The following ADARB1 variants were observed in gnomAD, a reference collection of about 807,000 sequenced individuals.
The protein encoded by ADARB1 is double-stranded RNA-specific editase 1.
In ADARB1, 10 loss-of-function variants were observed where a neutral mutation model predicts 52.4. The observed-to-expected ratio is 0.19, with a 90% CI of 0.12 to 0.32. The LOEUF (loss-of-function observed/expected upper bound fraction) is 0.32, where lower values mean the gene tolerates loss of function less well. Among genes scored for constraint, ADARB1 ranks in the 10% least tolerant of loss-of-function variants. The probability of loss-of-function intolerance (pLI) is 1.00; values close to 1 mark genes in which losing one functional copy is unlikely to be tolerated. For missense variants in ADARB1, 643 were observed against 922.3 expected (o/e 0.70, Z 3.92); for synonymous variants, 349 against 371.1 (o/e 0.94, Z 0.68).
intron 9 of ADARB1, among the ~76,000 whole-genome samples, chr21:45,211,845 C>T (rs2092774678): frequency 6.6e-6 from 1 of 152,170 alleles, no homozygotes. Flanking sequence ...AAGCATCTCA[C>T]TCACGTCAGC....
chr21:45,213,061 A>C (rs1013899744), intron 9 of ADARB1, among the ~76,000 whole-genome samples: 14 of 152,170 alleles, frequency 9.2e-5, no homozygotes, highest in African/African-American at 2.4e-4. Context: ...TGATGAGGGC[A>C]GGGGGATGGT....
chr21:45,171,390 T>G (rs1215323100), intron 2 of ADARB1, among the ~76,000 whole-genome samples: 1 of 152,222 alleles, frequency 6.6e-6, no homozygotes, highest in Admixed American at 6.5e-5. Flanking sequence ...TTTGCTGTGC[T>G]GGAATCCACG....
intron 8 of ADARB1, 75 bp downstream of exon 8, chr21:45,185,166 T>C: frequency 9.2e-6 from 14 of 1,528,366 alleles, no homozygotes; most frequent in Non-Finnish European, 1.2e-5. Context: ...ACCTCCCTTT[T>C]CCACAACCAT....
At chr21:45,186,214 T>TA (rs1224725939) in intron 8 of ADARB1, among the ~76,000 whole-genome samples, 2 of 152,340 alleles carry the variant, frequency 1.3e-5, no homozygotes, top group Non-Finnish European at 2.9e-5. Context: ...ATCTGATTCT[T>TA]ACATTTTCAT....
chr21:45,190,950 G>A (rs570151930), intron 8 of ADARB1, among the ~76,000 whole-genome samples: 76 of 152,290 alleles, frequency 5.0e-4, no homozygotes, highest in African/African-American at 1.7e-3. Flanking sequence ...GCCAAACATC[G>A]TGAAATTTCC....
chr21:45,075,959 G>C (rs545101248), intron 1 of ADARB1, among the ~76,000 whole-genome samples: 2 of 152,002 alleles, frequency 1.3e-5, no homozygotes, highest in East Asian at 3.8e-4. Context: ...TTTTTTAATT[G>C]AGAATACAAA....
At chr21:45,211,448 T>G (rs778572036) in intron 9 of ADARB1, among the ~76,000 whole-genome samples, 11 of 152,238 alleles carry the variant, frequency 7.2e-5, no homozygotes, top group Non-Finnish European at 1.2e-4. Flanking sequence ...AGATTGTAAG[T>G]ACACATTTTC....
At chr21:45,110,459 G>A (rs1336518280) in intron 1 of ADARB1, among the ~76,000 whole-genome samples, 1 of 152,182 alleles carries the variant, frequency 6.6e-6, no homozygotes, top group South Asian at 2.1e-4. Flanking sequence ...CCAGTGAGGC[G>A]GGGGTGTGGA....
chr21:45,213,631 A>G (rs1329520062), intron 9 of ADARB1, among the ~76,000 whole-genome samples: 1 of 152,322 alleles, frequency 6.6e-6, no homozygotes, highest in East Asian at 1.9e-4. Context: ...GGGATTTTAC[A>G]TAAATGTCAT....
At chr21:45,090,097 C>G (rs775296070) in intron 1 of ADARB1, among the ~76,000 whole-genome samples, 12 of 152,118 alleles carry the variant, frequency 7.9e-5, no homozygotes, top group Non-Finnish European at 1.5e-4. Flanking sequence ...GTTACCTTCT[C>G]TTCCTGGTTT....
chr21:45,159,850 C>T (rs1366555279), intron 2 of ADARB1, among the ~76,000 whole-genome samples: 2 of 152,196 alleles, frequency 1.3e-5, no homozygotes, highest in East Asian at 1.9e-4. Flanking sequence ...TGCTGCTCAC[C>T]ATAGAAAGTG....
intron 1 of ADARB1, among the ~76,000 whole-genome samples, chr21:45,097,892 G>A (rs566442600): frequency 3.3e-5 from 5 of 152,210 alleles, no homozygotes; most frequent in Admixed American, 3.3e-4. Flanking sequence ...AGGCAGCCTC[G>A]CCCTGCTCCC....
chr21:45,119,782 A>C (rs2088052447), intron 1 of ADARB1, among the ~76,000 whole-genome samples: 1 of 152,230 alleles, frequency 6.6e-6, no homozygotes, highest in South Asian at 2.1e-4. Context: ...TTGAAAAATC[A>C]TGGCTCCTGA....
intron 1 of ADARB1, among the ~76,000 whole-genome samples, chr21:45,116,114 G>C (rs144245800): frequency 1.3e-5 from 2 of 152,216 alleles, no homozygotes; most frequent in Non-Finnish European, 2.9e-5. Flanking sequence ...GATTAAGGTG[G>C]TATCTGCTGT....
rs200494479 is a variant in ADARB1, at chr21:45,097,502, C to T, written c.-220+22709C>T. Among the ~76,000 whole-genome samples, 322 of 151,580 alleles carry T rather than the reference C, an allele frequency of 2.1e-3. 1 individual carries two copies. Among genetic ancestry groups the T allele is most frequent in the African/African-American group, 7.4e-3 (304 of 41,244 alleles). On this transcript the variant is annotated intron_variant, in intron 1 of 10. Transcript: ENST00000348831. ...TGGGGGCATGAACTCAGAGTTGTGC[C>T]GTGGAAGGGTCCCTGTGGCAGGAGA...
chr21:45,177,439 C>T (rs1227453544), intron 4 of ADARB1: 1 of 152,206 alleles, frequency 6.6e-6, no homozygotes, highest in Non-Finnish European at 1.5e-5. Context: ...GGGGAAGTTC[C>T]AGGGTGGGCT....
chr21:45,158,345 A>G (rs573134076), intron 2 of ADARB1, among the ~76,000 whole-genome samples: 69 of 152,322 alleles, frequency 4.5e-4, no homozygotes, highest in South Asian at 1.5e-3. Flanking sequence ...TGAAGAGGGT[A>G]TCAGTGTAGA....
At chr21:45,154,429 CAA>C (rs1442626942) in intron 2 of ADARB1, among the ~76,000 whole-genome samples, 2 of 152,158 alleles carry the variant, frequency 1.3e-5, no homozygotes, top group Admixed American at 6.5e-5. Context: ...ACCAAACTGG[CAA>C]AGTTTTATAA....
At position 45,130,055 on chromosome 21, in the gene ADARB1, G is replaced by A. The variant is rs540963774; in HGVS notation, c.-48+1482G>A. On this transcript the variant is annotated intron_variant, in intron 2 of 10. Coordinates refer to ENST00000348831, the MANE Select transcript of ADARB1 (RefSeq NM_001112.4). Reference sequence around the variant, plus strand: ...ATGGGATTTTATTTTCAGCCACAGCGCTTCTTCTAGCTTAATTAGTGATAG... The same window carrying A: ...ATGGGATTTTATTTTCAGCCACAGCACTTCTTCTAGCTTAATTAGTGATAG... 3.3e-5 allele frequency among the ~76,000 whole-genome samples: 5 copies of A among 152,218 alleles called. No homozygotes were observed. In the East Asian group the frequency reaches 7.7e-4, roughly 23 times the overall value.
Sources: allele counts gnomAD v4.1 joint callset (sites outside exome capture counted in the v4.1 genomes callset), GRCh38; gene constraint gnomAD v4.1.1; transcripts MANE v1.5; gene names NCBI Gene and HGNC (gene_info 2026-07-23, HGNC 2026-07-21).